KCTD8: variants seen among roughly 807,000 people sequenced by gnomAD.
KCTD8 encodes the protein potassium channel tetramerization domain containing 8, also known as BTB/POZ domain-containing protein KCTD8.
KCTD8 carries 27 observed loss-of-function variants against 31.5 expected under a neutral mutation model. The ratio of observed to expected loss-of-function variants is 0.86; its 90% CI spans 0.63 to 1.18. KCTD8 has a LOEUF of 1.18. KCTD8 is among the 50% of genes most tolerant of loss of function. The pLI is 0.00. For missense variants in KCTD8, 658 were observed against 647.7 expected (o/e 1.02, Z -0.17); for synonymous variants, 290 against 280.0 (o/e 1.04, Z -0.36).
rs1166605909 is a variant in KCTD8 at position 44,337,450 on chromosome 4, C to T, written c.961+110113G>A. ...CAGCACTTCGAGAGGCCAAGGTGGGCGGATCATAAGGTCAGGAGTTCGAGA... is the reference window on the plus strand; with the variant it reads ...CAGCACTTCGAGAGGCCAAGGTGGGTGGATCATAAGGTCAGGAGTTCGAGA... On this transcript the variant is annotated intron_variant, in intron 1 of 1. Transcript: ENST00000360029. Among the ~76,000 whole-genome samples, 46 of 151,826 alleles carry T rather than the reference C, an allele frequency of 3.0e-4. 2 individuals carry two copies. The highest frequency in any genetic ancestry group is 8.8e-5 in the Non-Finnish European group (6 of 67,914).
intron 1 of KCTD8, among the ~76,000 whole-genome samples, chr4:44,271,121 C>T (rs1013083430): frequency 6.6e-6 from 1 of 152,026 alleles, no homozygotes; most frequent in Admixed American, 6.6e-5. Context: ...GAAAGGATAA[C>T]CATTAACAAA....
intron 1 of KCTD8, among the ~76,000 whole-genome samples, chr4:44,283,696 G>T (rs1716972734): frequency 6.6e-6 from 1 of 151,828 alleles, no homozygotes; most frequent in African/African-American, 2.4e-5. Flanking sequence ...AAATATTACT[G>T]CTTGATGACA....
At chr4:44,281,325 G>A (rs1442708446) in intron 1 of KCTD8, among the ~76,000 whole-genome samples, 1 of 151,992 alleles carries the variant, frequency 6.6e-6, no homozygotes, top group African/African-American at 2.4e-5. Flanking sequence ...TTTTAAATAT[G>A]GAATGCACCT....
chr4:44,420,999 T>C (rs1478946194), intron 1 of KCTD8, among the ~76,000 whole-genome samples: 20 of 152,062 alleles, frequency 1.3e-4, no homozygotes, highest in Admixed American at 1.3e-3. Flanking sequence ...GCAGTGACTT[T>C]CTAATAGAAA....
Position 44,392,692 on chromosome 4 carries a change from T to C in KCTD8, c.961+54871A>G, listed in dbSNP as rs559031847. Among the ~76,000 whole-genome samples the C allele has an allele frequency of 7.9e-5, 12 of 152,046 alleles. No homozygotes were observed. The South Asian group carries it at 1.5e-3, about 18-fold the overall frequency. On this transcript the variant is annotated intron_variant, in intron 1 of 1. Coordinates refer to ENST00000360029, the MANE Select transcript of KCTD8 (RefSeq NM_198353.3). Reference sequence around the variant, plus strand: ...GATGAGATACTTCTGGAGCTAAAAATAGCAAGGTGAGATAATCCCAAACGG... The same window carrying C: ...GATGAGATACTTCTGGAGCTAAAAACAGCAAGGTGAGATAATCCCAAACGG...
intron 1 of KCTD8, 136 bp downstream of exon 1, chr4:44,447,427 A>G: frequency 4.5e-6 from 6 of 1,340,178 alleles, no homozygotes; most frequent in Non-Finnish European, 5.8e-6. Context: ...GGAATCGTGC[A>G]GGGAGAGCCG....
intron 1 of KCTD8, among the ~76,000 whole-genome samples, chr4:44,252,312 G>T (rs753446142): frequency 1.4e-4 from 21 of 151,694 alleles, no homozygotes; most frequent in Non-Finnish European, 2.8e-4. Flanking sequence ...AAATTGTGCT[G>T]CTATAAACGT....
intron 1 of KCTD8, among the ~76,000 whole-genome samples, chr4:44,245,315 A>G (rs890084059): frequency 7.3e-6 from 1 of 137,080 alleles, no homozygotes; most frequent in Non-Finnish European, 1.5e-5. Flanking sequence ...TAAGACTGAT[A>G]AAAAAAGCAG....
intron 1 of KCTD8, among the ~76,000 whole-genome samples, chr4:44,182,741 C>G (rs1377428172): frequency 1.3e-5 from 2 of 152,044 alleles, no homozygotes; most frequent in East Asian, 3.9e-4. Flanking sequence ...GTCCTATGAC[C>G]CTGCCAAATC....
chr4:44,174,733 G>T lies in KCTD8; in HGVS notation c.*57C>A. ...ACCATTGTTAGGACATCAGTCAGGTGGTGACACTGTAGTAAACATTGAATG... is the reference window on the plus strand; with the variant it reads ...ACCATTGTTAGGACATCAGTCAGGTTGTGACACTGTAGTAAACATTGAATG... On this transcript the variant is annotated 3_prime_UTR_variant, in exon 2 of 2. Coordinates refer to ENST00000360029, the MANE Select transcript of KCTD8 (RefSeq NM_198353.3). The T allele has an allele frequency of 7.7e-7, 1 of 1,295,022 alleles. No homozygotes were observed. The highest frequency in any genetic ancestry group is 1.1e-6 in the Non-Finnish European group (1 of 922,484). The allele number at this position is 1,295,022 out of a possible 1,614,324, so 80.2% of individuals were successfully genotyped here. A position where few individuals can be genotyped will look rare whatever the true frequency, so the allele number is the denominator to read the frequency against.
At chr4:44,375,352 A>G (rs1322526599) in intron 1 of KCTD8, among the ~76,000 whole-genome samples, 1 of 152,202 alleles carries the variant, frequency 6.6e-6, no homozygotes, top group African/African-American at 2.4e-5. Flanking sequence ...GTAGCCTAGG[A>G]AAGTACATAC....
At chr4:44,210,313 A>C (rs1714444416) in intron 1 of KCTD8, among the ~76,000 whole-genome samples, 1 of 152,228 alleles carries the variant, frequency 6.6e-6, no homozygotes, top group Admixed American at 6.5e-5. Context: ...CTGTGGCAAT[A>C]AAATCATATG....
At chr4:44,299,249 C>T (rs1193890261) in intron 1 of KCTD8, among the ~76,000 whole-genome samples, 1 of 152,116 alleles carries the variant, frequency 6.6e-6, no homozygotes, top group Non-Finnish European at 1.5e-5. Flanking sequence ...GTCCTCTCTG[C>T]CTCATTTTTC....
chr4:44,327,252 T>C (rs890454947), intron 1 of KCTD8, among the ~76,000 whole-genome samples: 7 of 151,890 alleles, frequency 4.6e-5, no homozygotes, highest in Non-Finnish European at 1.0e-4. Flanking sequence ...GGACAATGTA[T>C]CTGTGAAAAC....
intron 1 of KCTD8, among the ~76,000 whole-genome samples, chr4:44,413,622 T>C (rs1439625184): frequency 6.6e-6 from 1 of 152,170 alleles, no homozygotes; most frequent in Non-Finnish European, 1.5e-5. Flanking sequence ...AATTGTTGTA[T>C]TGTTAAACAT....
chr4:44,221,621 G>A (rs532318554), intron 1 of KCTD8, among the ~76,000 whole-genome samples: 51 of 152,156 alleles, frequency 3.4e-4, no homozygotes, highest in African/African-American at 8.7e-4. Context: ...AGAAGTCCCC[G>A]GAAAACCACT....
chr4:44,206,686 C>T (rs150870593), intron 1 of KCTD8, among the ~76,000 whole-genome samples: 19 of 152,274 alleles, frequency 1.2e-4, no homozygotes, highest in African/African-American at 4.3e-4. Context: ...AGATTGAAAG[C>T]TTCTATTTAG....
At chr4:44,286,851 TG>T (rs1378971546) in intron 1 of KCTD8, among the ~76,000 whole-genome samples, 4 of 151,896 alleles carry the variant, frequency 2.6e-5, no homozygotes, top group African/African-American at 9.7e-5. Context: ...AAGATGATGG[TG>T]AGAGTGGATA....
At chr4:44,270,541 T>C (rs1716560572) in intron 1 of KCTD8, among the ~76,000 whole-genome samples, 1 of 151,882 alleles carries the variant, frequency 6.6e-6, no homozygotes, top group Non-Finnish European at 1.5e-5. Context: ...TAAAGTATAA[T>C]AATAATAATA....
Sources: gnomAD v4.1 joint callset for allele counts (sites outside exome capture counted in the v4.1 genomes callset) on GRCh38, gnomAD v4.1.1 for gene constraint, MANE v1.5 for transcripts, NCBI Gene and HGNC (gene_info 2026-07-23, HGNC 2026-07-21) for gene names.